Variants in ASB18 observed in about 807,000 individuals in gnomAD.
The protein encoded by ASB18 is ankyrin repeat and SOCS box containing 18, also known as ankyrin repeat and SOCS box protein 18.
ASB18 carries 33 observed loss-of-function variants against 33.4 expected under a neutral mutation model. The ratio of observed to expected loss-of-function variants is 0.99; its 90% confidence interval spans 0.75 to 1.32. The LOEUF is 1.32. ASB18 is among the 40% of genes most tolerant of loss of function. The probability of loss-of-function intolerance (pLI) is 0.00; values close to 1 mark genes in which losing one functional copy is unlikely to be tolerated. For synonymous variants in ASB18, 295 were observed against 307.6 expected (o/e 0.96, Z 0.43); for missense variants, 694 against 655.5 (o/e 1.06, Z -0.64).
rs951587455 is a variant in ASB18 at position 236,260,550 on chromosome 2, G to T, written c.205+3591C>A. ...CCAAACTCGCCCTTACCTTGAGAAA[G>T]AGAACATTTGCTCCCACAGGAAAAA... On this transcript the variant is annotated intron_variant, in intron 1 of 5. Transcript: ENST00000409749. The surrounding 1 kb of genome is among the most constrained non-coding windows in gnomAD (Gnocchi z 5.1). Among the ~76,000 whole-genome samples, 2 of 152,144 alleles carry T rather than the reference G, an allele frequency of 1.3e-5. No individual in the cohort carries two copies. Among genetic ancestry groups the T allele is most frequent in the African/African-American group, 4.8e-5 (2 of 41,434 alleles).
Position 236,255,234 on chromosome 2 carries a change from C to G in ASB18, c.205+8907G>C, listed in dbSNP as rs940019699. 1.3e-5 allele frequency among the ~76,000 whole-genome samples: 2 copies of G among 152,140 alleles called. No individual in the cohort carries two copies. The highest frequency in any genetic ancestry group is 4.8e-5 in the African/African-American group (2 of 41,414). On this transcript the variant is annotated intron_variant, in intron 1 of 5. Transcript: ENST00000409749. The surrounding 1 kb of genome is among the most constrained non-coding windows in gnomAD (Gnocchi z 4.4). ...TCTTGGCTCACTGCAACCTCCTCCT[C>G]CCAGGTTCAAGCGATTCTCCTGCCT... is the stretch of plus-strand genomic sequence containing the variant.
Position 236,256,685 on chromosome 2 carries a change from A to G in ASB18, c.205+7456T>C, listed in dbSNP as rs532711280. On this transcript the variant is annotated intron_variant, in intron 1 of 5. Coordinates refer to ENST00000409749, the MANE Select transcript of ASB18 (RefSeq NM_212556.4). The surrounding 1 kb of genome is among the most constrained non-coding windows in gnomAD (Gnocchi z 4.7). ...TATTTCTTTATTAGCCCGTTTCTCA[A>G]TTTTGATTCTGAAAATACCCTGATT... Among the ~76,000 whole-genome samples, 3 of 152,254 alleles carry G rather than the reference A, an allele frequency of 2.0e-5. No individual in the cohort carries two copies. In the South Asian group the frequency reaches 6.2e-4, roughly 32 times the overall value.
rs1445518825 is a variant in ASB18, at chr2:236,220,753, G to A, written c.597-5887C>T. ...ACCCCTCCACTGCCCCTTCCCACTG[G>A]TTTTATTTGTTAAGCACCTTCTCTG... On this transcript the variant is annotated intron_variant, in intron 3 of 5. Coordinates refer to ENST00000409749, the MANE Select transcript of ASB18 (RefSeq NM_212556.4). This position sits in a 1 kb window ranked among gnomAD's most constrained non-coding sequence, Gnocchi z 5.1. Among the ~76,000 whole-genome samples the A allele has an allele frequency of 6.6e-6, 1 of 152,076 alleles. No individual in the cohort carries two copies. The highest frequency in any genetic ancestry group is 1.5e-5 in the Non-Finnish European group (1 of 68,006).
rs2060443218 is a variant in ASB18 at position 236,208,220 on chromosome 2, C to A, written c.1101+6142G>T. Among the ~76,000 whole-genome samples, 1 of 152,136 alleles carries A rather than the reference C, an allele frequency of 6.6e-6. No individual in the cohort carries two copies. Among genetic ancestry groups the A allele is most frequent in the South Asian group, 2.1e-4 (1 of 4,824 alleles). On this transcript the variant is annotated intron_variant, in intron 4 of 5. Transcript: ENST00000409749. The surrounding 1 kb of genome is among the most constrained non-coding windows in gnomAD (Gnocchi z 7.7). Reference sequence around the variant, plus strand: ...ACAGAGGGAGTGCCTGGCAGGAGGCCTGGGGCCAGCACGGTCTTCCCAGCC... The same window carrying A: ...ACAGAGGGAGTGCCTGGCAGGAGGCATGGGGCCAGCACGGTCTTCCCAGCC...
rs1386417284 is a variant in ASB18 at position 236,256,502 on chromosome 2, T to G, written c.205+7639A>C. 6.6e-6 allele frequency among the ~76,000 whole-genome samples: 1 copy of G among 152,192 alleles called. No homozygotes were observed. Among genetic ancestry groups the G allele is most frequent in the Non-Finnish European group, 1.5e-5 (1 of 68,038 alleles). ...CCATTTCCAATTAGTTCCTTCGGAATGTTTACTTCTCAAGCAGAGCACTTG... is the reference window on the plus strand; with the variant it reads ...CCATTTCCAATTAGTTCCTTCGGAAGGTTTACTTCTCAAGCAGAGCACTTG... On this transcript the variant is annotated intron_variant, in intron 1 of 5. Transcript: ENST00000409749. The surrounding 1 kb of genome is among the most constrained non-coding windows in gnomAD (Gnocchi z 4.7).
At chr2:236,236,325 A>G (rs1363056256) in intron 3 of ASB18, among the ~76,000 whole-genome samples, 1 of 152,188 alleles carries the variant, frequency 6.6e-6, no homozygotes, top group Non-Finnish European at 1.5e-5. Flanking sequence ...TAGAAAATTC[A>G]GACTAAGCCA....
At position 236,244,361 on chromosome 2, in the gene ASB18, G is replaced by A. The variant is rs894547556; in HGVS notation, c.206-2959C>T. ...TAAGCAGACCCTCGCCCAGGGAGGC[G>A]GGCATAGCATAAGCCCCCATTTGCT... On this transcript the variant is annotated intron_variant, in intron 1 of 5. Coordinates refer to ENST00000409749, the MANE Select transcript of ASB18 (RefSeq NM_212556.4). The surrounding 1 kb of genome is among the most constrained non-coding windows in gnomAD (Gnocchi z 6.1). Among the ~76,000 whole-genome samples the A allele has an allele frequency of 6.6e-5, 10 of 152,158 alleles. 2 individuals carry two copies. Among genetic ancestry groups the A allele is most frequent in the South Asian group, 2.1e-4 (1 of 4,826 alleles).
In ASB18 at chr2:236,257,112, G is replaced by A. The variant is rs2060696063; in HGVS notation, c.205+7029C>T. On this transcript the variant is annotated intron_variant, in intron 1 of 5. Transcript: ENST00000409749. This position sits in a 1 kb window ranked among gnomAD's most constrained non-coding sequence, Gnocchi z 5.5. ...ATCAATTCAGGCAGCGCATAATTGAGTCTGTTAGCAAGGACTTTAGCAAGA... is the reference window on the plus strand; with the variant it reads ...ATCAATTCAGGCAGCGCATAATTGAATCTGTTAGCAAGGACTTTAGCAAGA... 3.3e-5 allele frequency among the ~76,000 whole-genome samples: 5 copies of A among 152,206 alleles called. No individual in the cohort carries two copies. Among genetic ancestry groups the A allele is most frequent in the Admixed American group, 2.6e-4 (4 of 15,284 alleles).
chr2:236,239,044 ATGG>A lies in ASB18; in HGVS notation c.329-1091_329-1089del, dbSNP rs774916353. On this transcript the variant is annotated intron_variant, in intron 2 of 5. Transcript: ENST00000409749. This position sits in a 1 kb window ranked among gnomAD's most constrained non-coding sequence, Gnocchi z 5.6. ...GGGGGGCCTGTGGGACTGGCATGGAATGGTGGTGGCCAGAGGCCCCAGGGACAT... is the reference window on the plus strand; with the variant it reads ...GGGGGGCCTGTGGGACTGGCATGGAATGGTGGCCAGAGGCCCCAGGGACAT... 9.9e-4 allele frequency among the ~76,000 whole-genome samples: 151 copies of A among 152,196 alleles called. No homozygotes were observed. Among genetic ancestry groups the A allele is most frequent in the Non-Finnish European group, 1.5e-3 (104 of 67,978 alleles).
Position 236,244,228 on chromosome 2 carries a change from G to A in ASB18, c.206-2826C>T, listed in dbSNP as rs900864568. ...AGAATTCTTTGGCCTGTGCACATGA[G>A]TTACGATACAAACTATATGAGCAGA... is the stretch of plus-strand genomic sequence containing the variant. On this transcript the variant is annotated intron_variant, in intron 1 of 5. Coordinates refer to ENST00000409749, the MANE Select transcript of ASB18 (RefSeq NM_212556.4). This position sits in a 1 kb window ranked among gnomAD's most constrained non-coding sequence, Gnocchi z 6.1. Among the ~76,000 whole-genome samples, 5 of 152,228 alleles carry A rather than the reference G, an allele frequency of 3.3e-5. No homozygotes were observed. Among genetic ancestry groups the A allele is most frequent in the Non-Finnish European group, 7.3e-5 (5 of 68,044 alleles).
In ASB18 at chr2:236,216,654, TC is replaced by T. The variant is rs1171105582; in HGVS notation, c.597-1789del. On this transcript the variant is annotated intron_variant, in intron 3 of 5. Coordinates refer to ENST00000409749, the MANE Select transcript of ASB18 (RefSeq NM_212556.4). The surrounding 1 kb of genome is among the most constrained non-coding windows in gnomAD (Gnocchi z 6.1). ...TGTCCTTTGTTGAGGCCACATCGTT[TC>T]TCGGAATGCTTATAAGTCTCTTCAT... Among the ~76,000 whole-genome samples the T allele has an allele frequency of 6.6e-6, 1 of 152,216 alleles. No individual in the cohort carries two copies. The highest frequency in any genetic ancestry group is 2.4e-5 in the African/African-American group (1 of 41,460).
rs2060428241 is a variant in ASB18, at chr2:236,205,448, C to T, written c.1101+8914G>A. ...GTTCAGCAGTCACTGACCCTAACTG[C>T]CTGACTTAAAATTGCAACTGCCTTC... is the stretch of plus-strand genomic sequence containing the variant. On this transcript the variant is annotated intron_variant, in intron 4 of 5. Transcript: ENST00000409749. This position sits in a 1 kb window ranked among gnomAD's most constrained non-coding sequence, Gnocchi z 5.4. Among the ~76,000 whole-genome samples the T allele has an allele frequency of 6.6e-6, 1 of 152,202 alleles. No homozygotes were observed. The highest frequency in any genetic ancestry group is 1.5e-5 in the Non-Finnish European group (1 of 68,040).
chr2:236,260,130 G>A lies in ASB18; in HGVS notation c.205+4011C>T, dbSNP rs2060711386. 6.6e-6 allele frequency among the ~76,000 whole-genome samples: 1 copy of A among 152,210 alleles called. No individual in the cohort carries two copies. The highest frequency in any genetic ancestry group is 6.5e-5 in the Admixed American group (1 of 15,278). ...ATCATGTTAACATGCAGAGCGAATG[G>A]TTACTTTTCTTTTTCTTATTTTTTC... On this transcript the variant is annotated intron_variant, in intron 1 of 5. Coordinates refer to ENST00000409749, the MANE Select transcript of ASB18 (RefSeq NM_212556.4). This position sits in a 1 kb window ranked among gnomAD's most constrained non-coding sequence, Gnocchi z 5.1.
rs1050795199 is a variant in ASB18 at position 236,249,628 on chromosome 2, C to T, written c.206-8226G>A. 6.6e-6 allele frequency: 1 copy of T among 152,176 alleles called. No individual in the cohort carries two copies. The highest frequency in any genetic ancestry group is 2.4e-5 in the African/African-American group (1 of 41,440). 9.4% of individuals were successfully genotyped at this position (152,176 alleles called of 1,614,324 possible). A position where few individuals can be genotyped will look rare whatever the true frequency, so the allele number is the denominator to read the frequency against. Reference sequence around the variant, plus strand: ...GGATTCTGATGAATATAATTTTCTCCAAGCCAGTACATTTAGTATTTTTAG... The same window carrying T: ...GGATTCTGATGAATATAATTTTCTCTAAGCCAGTACATTTAGTATTTTTAG... On this transcript the variant is annotated intron_variant, in intron 1 of 5. Transcript: ENST00000409749. The surrounding 1 kb of genome is among the most constrained non-coding windows in gnomAD (Gnocchi z 4.6).
rs139132429 is a variant in ASB18, at chr2:236,204,732, G to A, written c.1102-8347C>T. Among the ~76,000 whole-genome samples the A allele has an allele frequency of 1.4e-3, 209 of 151,876 alleles. No homozygotes were observed. Among genetic ancestry groups the A allele is most frequent in the Admixed American group, 4.7e-3 (72 of 15,252 alleles). On this transcript the variant is annotated intron_variant, in intron 4 of 5. Coordinates refer to ENST00000409749, the MANE Select transcript of ASB18 (RefSeq NM_212556.4). This position sits in a 1 kb window ranked among gnomAD's most constrained non-coding sequence, Gnocchi z 5.1. ...CCCAAGTGATAGCAAACTCATTCTTGTAGTCTCTTGGGCTGGAATCAGAGT... is the reference window on the plus strand; with the variant it reads ...CCCAAGTGATAGCAAACTCATTCTTATAGTCTCTTGGGCTGGAATCAGAGT...
chr2:236,214,980 G>A lies in ASB18; in HGVS notation c.597-114C>T. ...ACCTCTGAATGAAAAGACATGCTCC[G>A]CTCTCCCATACCAAGGCGTCAGGAG... On this transcript the variant is annotated intron_variant, in intron 3 of 5. Transcript: ENST00000409749. This position sits in a 1 kb window ranked among gnomAD's most constrained non-coding sequence, Gnocchi z 6.5. The A allele has an allele frequency of 2.7e-6, 2 of 746,576 alleles. No individual in the cohort carries two copies. The highest frequency in any genetic ancestry group is 3.5e-6 in the Non-Finnish European group (2 of 573,908). 46.2% of individuals were successfully genotyped at this position (746,576 alleles called of 1,614,324 possible).
chr2:236,225,671 AC>A lies in ASB18; in HGVS notation c.597-10806del, dbSNP rs1217392535. ...GCAGGCTGCTAATGTGAACACAGTT[AC>A]TTTACTGTAACTTTTCTTTTTGGGA... On this transcript the variant is annotated intron_variant, in intron 3 of 5. Transcript: ENST00000409749. The surrounding 1 kb of genome is among the most constrained non-coding windows in gnomAD (Gnocchi z 5.1). Among the ~76,000 whole-genome samples, 2 of 152,232 alleles carry A rather than the reference AC, an allele frequency of 1.3e-5. No individual in the cohort carries two copies. Among genetic ancestry groups the A allele is most frequent in the Non-Finnish European group, 2.9e-5 (2 of 68,042 alleles).
In ASB18 at chr2:236,222,847, C is replaced by T. The variant is rs573124073; in HGVS notation, c.597-7981G>A. Among the ~76,000 whole-genome samples, 4 of 152,240 alleles carry T rather than the reference C, an allele frequency of 2.6e-5. No homozygotes were observed. In the South Asian group the frequency reaches 8.3e-4, roughly 32 times the overall value. On this transcript the variant is annotated intron_variant, in intron 3 of 5. Transcript: ENST00000409749. The surrounding 1 kb of genome is among the most constrained non-coding windows in gnomAD (Gnocchi z 5.5). ...CCAGCCTGGCCAACATGGTGAAACC[C>T]TATCTCTACTAAAAATACAAAAATT...
rs558458428 is a variant in ASB18 at position 236,204,332 on chromosome 2, T to C, written c.1102-7947A>G. 4.6e-5 allele frequency among the ~76,000 whole-genome samples: 7 copies of C among 152,278 alleles called. No individual in the cohort carries two copies. Among genetic ancestry groups the C allele is most frequent in the African/African-American group, 1.7e-4 (7 of 41,566 alleles). ...CTTCCACCTCAATGCAGCCTTCACTTGGCTTTGAGGAAGGTGTGCTCTCAT... is the reference window on the plus strand; with the variant it reads ...CTTCCACCTCAATGCAGCCTTCACTCGGCTTTGAGGAAGGTGTGCTCTCAT... On this transcript the variant is annotated intron_variant, in intron 4 of 5. Coordinates refer to ENST00000409749, the MANE Select transcript of ASB18 (RefSeq NM_212556.4). This position sits in a 1 kb window ranked among gnomAD's most constrained non-coding sequence, Gnocchi z 5.1.
Sources: gnomAD v4.1 joint callset for allele counts (sites outside exome capture counted in the v4.1 genomes callset) on GRCh38, gnomAD v4.1.1 for gene constraint, Gnocchi (gnomAD v3.1) non-coding constraint, MANE v1.5 for transcripts, NCBI Gene and HGNC (gene_info 2026-07-23, HGNC 2026-07-21) for gene names.